CSMD1: variants seen among roughly 807,000 people sequenced by gnomAD.
CSMD1 encodes CUB and Sushi multiple domains 1.
Under a neutral mutation model 417.5 loss-of-function variants are expected in CSMD1, and 213 were observed. That is an observed-to-expected ratio of 0.51 (90% CI 0.46 to 0.57). CSMD1 has a LOEUF of 0.57. CSMD1 is among the 20% of genes least tolerant of loss of function. The pLI is 0.00. For missense variants in CSMD1, 6,923 were observed against 4,529.7 expected (o/e 1.53, Z -15.17); for synonymous variants, 2,862 against 1,736.8 (o/e 1.65, Z -16.11).
At chr8:4,111,985 ATTATT>A (rs956823053) in intron 3 of CSMD1, among the ~76,000 whole-genome samples, 2 of 151,738 alleles carry the variant, frequency 1.3e-5, no homozygotes, top group South Asian at 2.1e-4. Context: ...TTTTTATTGT[ATTATT>A]TTGTTTATAC....
At chr8:3,185,912 G>T (rs1356781034) in intron 36 of CSMD1, among the ~76,000 whole-genome samples, 2 of 152,106 alleles carry the variant, frequency 1.3e-5, no homozygotes, top group African/African-American at 4.8e-5. Context: ...AACAGACACA[G>T]ACTGCATGGC....
chr8:3,990,620 A>G (rs1814670714), intron 5 of CSMD1, among the ~76,000 whole-genome samples: 1 of 152,190 alleles, frequency 6.6e-6, no homozygotes, highest in Non-Finnish European at 1.5e-5. Context: ...AACTTTATTG[A>G]AACTCTGGTA....
At chr8:3,718,748 C>G (rs956139173) in intron 6 of CSMD1, among the ~76,000 whole-genome samples, 2 of 152,136 alleles carry the variant, frequency 1.3e-5, no homozygotes, top group African/African-American at 4.8e-5. Flanking sequence ...AGGCAATTAA[C>G]TATTCATCTC....
At chr8:4,028,806 A>G (rs1053346126) in intron 4 of CSMD1, among the ~76,000 whole-genome samples, 12 of 152,230 alleles carry the variant, frequency 7.9e-5, no homozygotes, top group African/African-American at 2.2e-4. Context: ...ATTTTCTGGC[A>G]TCTCATTAAG....
At chr8:4,976,988 T>G (rs1461509060) in intron 1 of CSMD1, among the ~76,000 whole-genome samples, 2 of 152,200 alleles carry the variant, frequency 1.3e-5, no homozygotes, top group African/African-American at 4.8e-5. Flanking sequence ...ATAGAGCAAT[T>G]TGTCAGATGT....
At chr8:4,529,054 A>C (rs1384528771) in intron 2 of CSMD1, among the ~76,000 whole-genome samples, 5 of 152,168 alleles carry the variant, frequency 3.3e-5, no homozygotes, top group Non-Finnish European at 7.4e-5. Context: ...TTTTTAAAAA[A>C]TGATGATCTG....
At chr8:3,502,763 G>C (rs540009782) in intron 10 of CSMD1, among the ~76,000 whole-genome samples, 9 of 152,176 alleles carry the variant, frequency 5.9e-5, no homozygotes, top group Non-Finnish European at 1.2e-4. Flanking sequence ...GAAACTCTCT[G>C]TGTGATGTTA....
intron 67 of CSMD1, 84 bp downstream of exon 67, chr8:2,950,147 G>T: frequency 1.1e-6 from 1 of 877,840 alleles, no homozygotes; most frequent in Non-Finnish European, 1.9e-6. Flanking sequence ...CTACTCAGAA[G>T]CCTCCAATCC....
intron 2 of CSMD1, among the ~76,000 whole-genome samples, chr8:4,462,126 T>C (rs1799872595): frequency 6.6e-6 from 1 of 151,978 alleles, no homozygotes; most frequent in Admixed American, 6.6e-5. Flanking sequence ...CCTCCCACCT[T>C]GGCCTCTCAA....
Position 3,468,705 on chromosome 8 carries a change from A to T in CSMD1, c.1561+7T>A, listed in dbSNP as rs1462484343. 6.4e-7 allele frequency: 1 copy of T among 1,573,242 alleles called. No individual in the cohort carries two copies. The highest frequency in any genetic ancestry group is 1.3e-5 in the African/African-American group (1 of 74,304). ...TTCCAACCCTGTGAAGTGTAATCTCATCATACCTTGGTAAACAGCTTTAAA... is the reference window on the plus strand; with the variant it reads ...TTCCAACCCTGTGAAGTGTAATCTCTTCATACCTTGGTAAACAGCTTTAAA... On this transcript the variant is annotated splice_region_variant and intron_variant, in intron 12 of 69. Transcript: ENST00000635120.
intron 1 of CSMD1, among the ~76,000 whole-genome samples, chr8:4,834,099 T>A (rs527714745): frequency 6.6e-6 from 1 of 152,208 alleles, no homozygotes; most frequent in African/African-American, 2.4e-5. Context: ...TTCAAATGAA[T>A]TCCTTTTGTT....
At chr8:3,912,121 C>T (rs1808502436) in intron 5 of CSMD1, among the ~76,000 whole-genome samples, 1 of 152,076 alleles carries the variant, frequency 6.6e-6, no homozygotes, top group Non-Finnish European at 1.5e-5. Flanking sequence ...AATTCTGAGA[C>T]TGATTTTCTA....
intron 3 of CSMD1, among the ~76,000 whole-genome samples, chr8:4,040,761 T>A (rs1797845658): frequency 6.6e-6 from 1 of 152,180 alleles, no homozygotes; most frequent in South Asian, 2.1e-4. Context: ...AGCGACCAGT[T>A]GGCAAATGGA....
chr8:3,848,164 T>C lies in CSMD1; in HGVS notation c.819-94122A>G, dbSNP rs559589162. Among the ~76,000 whole-genome samples, 16 of 152,234 alleles carry C rather than the reference T, an allele frequency of 1.1e-4. No individual in the cohort carries two copies. In the South Asian group the frequency reaches 2.3e-3, roughly 22 times the overall value. ...ACTGCTGTATGTGGTGGATGAGAAG[T>C]TGGCATTTTTTACAGGCAAAAGCCA... is the stretch of plus-strand genomic sequence containing the variant. On this transcript the variant is annotated intron_variant, in intron 5 of 69. Transcript: ENST00000635120.
intron 3 of CSMD1, among the ~76,000 whole-genome samples, chr8:4,094,465 G>T (rs532021433): frequency 6.6e-6 from 1 of 152,146 alleles, no homozygotes; most frequent in Non-Finnish European, 1.5e-5. Flanking sequence ...GGGAGGAATC[G>T]AAGATGATGC....
intron 3 of CSMD1, among the ~76,000 whole-genome samples, chr8:4,329,843 C>T (rs554250755): frequency 1.9e-5 from 2 of 103,084 alleles, no homozygotes; most frequent in East Asian, 3.0e-4. Context: ...GTGGCACCAC[C>T]CTGCTTACAC....
In CSMD1 at chr8:3,684,683, C is replaced by T. The variant is rs1249996861; in HGVS notation, c.1009+23731G>A. ...CGCTATCTCCGCTCACTGCTAGCTC[C>T]GCCTCGCAGGTTCACGCCATTCTCC... On this transcript the variant is annotated intron_variant, in intron 7 of 69. Transcript: ENST00000635120. Among the ~76,000 whole-genome samples the T allele has an allele frequency of 3.3e-5, 5 of 151,334 alleles. No individual in the cohort carries two copies. In the East Asian group the frequency reaches 5.8e-4, roughly 18 times the overall value.
intron 3 of CSMD1, among the ~76,000 whole-genome samples, chr8:4,244,665 G>C (rs918538914): frequency 6.6e-6 from 1 of 151,972 alleles, no homozygotes; most frequent in Non-Finnish European, 1.5e-5. Context: ...TTACATGACA[G>C]ATTTAAATTG....
intron 3 of CSMD1, among the ~76,000 whole-genome samples, chr8:4,388,316 A>T (rs1157228147): frequency 1.3e-5 from 1 of 77,428 alleles, no homozygotes; most frequent in Non-Finnish European, 2.5e-5. Flanking sequence ...ACACACACAC[A>T]CACAGACACA....
Sources: allele counts gnomAD v4.1 joint callset (sites outside exome capture counted in the v4.1 genomes callset), GRCh38; gene constraint gnomAD v4.1.1; transcripts MANE v1.5; gene names NCBI Gene and HGNC (gene_info 2026-07-23, HGNC 2026-07-21).